Variants in MAGEC3 observed in about 807,000 individuals in gnomAD.
MAGEC3 encodes melanoma-associated antigen C3.
Under a neutral mutation model 35.3 loss-of-function variants are expected in MAGEC3, and 34 were observed. That is an observed-to-expected ratio of 0.96 (90% CI 0.73 to 1.28). The LOEUF (loss-of-function observed/expected upper bound fraction) is 1.28. MAGEC3 is among the 50% of genes most tolerant of loss of function. The probability of loss-of-function intolerance (pLI) is 0.00; values close to 1 mark genes in which losing one functional copy is unlikely to be tolerated. For missense variants in MAGEC3, 561 were observed against 483.6 expected, an observed-to-expected ratio of 1.16 and a Z score of -1.50; for synonymous variants, 202 against 185.6, an observed-to-expected ratio of 1.09 and a Z score of -0.72.
chrX:141,874,020 A>G (rs1222743243), intron 2 of MAGEC3, among the ~76,000 whole-genome samples: 2 of 112,328 alleles, frequency 1.8e-5, no homozygotes, highest in Non-Finnish European at 3.8e-5. Flanking sequence ...TAATAGACAA[A>G]AAAGTCAAAG....
Position 141,897,347 on chromosome X carries a change from A to T in MAGEC3, c.1589A>T (p.Asp530Val). Residue 530 changes from aspartate (D) to valine (V), a missense_variant, in exon 7 of 8, where the codon GAC (aspartate) becomes GTC (valine). Transcript: ENST00000298296. ...TCCTATTTCTTTGAAGACACATTAG[A>T]CCTCACCTATGAGGGAAGCCTGATT... ...NHSYFFEDTL[D>V]LTYEGSLIDD... is the part of the protein sequence containing the mutation. 8.3e-7 allele frequency: 1 copy of T among 1,211,470 alleles called. No homozygotes were observed. Among genetic ancestry groups the T allele is most frequent in the Non-Finnish European group, 1.1e-6 (1 of 895,396 alleles).
intron 4 of MAGEC3, among the ~76,000 whole-genome samples, chrX:141,892,576 T>TAATAATAATGATTATTATTATTA (rs1403563013): frequency 9.0e-6 from 1 of 111,299 alleles, no homozygotes; most frequent in East Asian, 2.9e-4. Context: ...TATTATTATT[T>TAATAATAATGATTATTATTATTA]AATAATAATG....
chrX:141,854,549 G>A (rs1192180371), intron 1 of MAGEC3, among the ~76,000 whole-genome samples: 2 of 111,135 alleles, frequency 1.8e-5, no homozygotes, highest in Non-Finnish European at 3.8e-5. Context: ...GAGATCTGAT[G>A]GTTTGATCAG....
At chrX:141,846,687 C>G (rs1186598201) in intron 1 of MAGEC3, among the ~76,000 whole-genome samples, 1 of 111,128 alleles carries the variant, frequency 9.0e-6, no homozygotes, top group African/African-American at 3.3e-5. Context: ...TCAACAATAT[C>G]TCAACAACAC....
intron 2 of MAGEC3, among the ~76,000 whole-genome samples, chrX:141,877,018 G>T (rs1247335781): frequency 5.4e-5 from 6 of 111,813 alleles, no homozygotes; most frequent in Non-Finnish European, 1.1e-4. Flanking sequence ...TTGTCCATTT[G>T]CATGTCTTTA....
chrX:141,863,433 T>C (rs1419545337), intron 1 of MAGEC3, among the ~76,000 whole-genome samples: 1 of 111,479 alleles, frequency 9.0e-6, no homozygotes, highest in East Asian at 2.8e-4. Flanking sequence ...ATCTACAGAA[T>C]GTAAAACAAA....
chrX:141,880,866 T>G (rs752296298), intron 3 of MAGEC3: 1 of 1,121,262 alleles, frequency 8.9e-7, no homozygotes, highest in South Asian at 1.9e-5. Flanking sequence ...CCACCATGGG[T>G]GAGTTTCTCA....
At chrX:141,873,969 T>C (rs761240853) in intron 2 of MAGEC3, among the ~76,000 whole-genome samples, 1 of 112,169 alleles carries the variant, frequency 8.9e-6, no homozygotes, top group African/African-American at 3.2e-5. Flanking sequence ...CAGGTCTTAC[T>C]ATAAAGTTAC....
intron 4 of MAGEC3, among the ~76,000 whole-genome samples, chrX:141,893,910 C>G (rs1255811994): frequency 3.6e-5 from 4 of 111,081 alleles, no homozygotes; most frequent in African/African-American, 1.3e-4. Context: ...AAGATGCAAA[C>G]AAAAAACAAA....
chrX:141,897,487 GTGTGTGC>G lies in MAGEC3; in HGVS notation c.1728+4_1728+10del, dbSNP rs1387887691. On this transcript the variant is annotated splice_donor_variant and splice_donor_5th_base_variant and intron_variant, in intron 7 of 7. Coordinates refer to ENST00000298296, the MANE Select transcript of MAGEC3 (RefSeq NM_138702.1). LOFTEE classifies it high-confidence loss of function. Reference sequence around the variant, plus strand: ...CTGGGAAGTGTTGAGTGCAATAGGGGTGTGTGCTGGGAGGGAGCACTTTATATATGGG... The same window carrying G: ...CTGGGAAGTGTTGAGTGCAATAGGGGTGGGAGGGAGCACTTTATATATGGG... The G allele has an allele frequency of 2.5e-6, 3 of 1,204,313 alleles. No homozygotes were observed. Among genetic ancestry groups the G allele is most frequent in the Non-Finnish European group, 2.2e-6 (2 of 892,030 alleles).
chrX:141,895,240 GCCCCA>G (rs2018078379), intron 4 of MAGEC3, 24 bp from the exon 5 acceptor site: 44 of 1,192,507 alleles, frequency 3.7e-5, no homozygotes, highest in Non-Finnish European at 5.0e-5. Context: ...TGGAGAGGAG[GCCCCA>G]CCCCACGCTG....
chrX:141,867,939 G>T (rs746132391), intron 2 of MAGEC3, among the ~76,000 whole-genome samples: 1 of 111,490 alleles, frequency 9.0e-6, no homozygotes, highest in Non-Finnish European at 1.9e-5. Flanking sequence ...TGGCTAACAC[G>T]GTGAAACCAA....
intron 1 of MAGEC3, among the ~76,000 whole-genome samples, chrX:141,862,144 C>T (rs940313027): frequency 9.0e-6 from 1 of 110,664 alleles, no homozygotes; most frequent in Non-Finnish European, 1.9e-5. Flanking sequence ...CACATTTATC[C>T]AAAAAAGACA....
intron 4 of MAGEC3, among the ~76,000 whole-genome samples, chrX:141,888,616 C>T (rs981883656): frequency 1.8e-5 from 2 of 111,994 alleles, no homozygotes; most frequent in African/African-American, 6.5e-5. Context: ...TAGTATGAGC[C>T]GTTCTGTGGA....
intron 2 of MAGEC3, among the ~76,000 whole-genome samples, chrX:141,872,039 T>A (rs770908435): frequency 9.1e-6 from 1 of 109,820 alleles, no homozygotes; most frequent in Admixed American, 9.7e-5. Context: ...CTGGGGAGGA[T>A]TTTTATTAAG....
At chrX:141,896,380 G>A in intron 6 of MAGEC3, 1 of 1,018,472 alleles carries the variant, frequency 9.8e-7, no homozygotes. Context: ...TGGTGCCTCA[G>A]GCTCTGCCTG....
chrX:141,881,679 G>T lies in MAGEC3; in HGVS notation c.792G>T (p.Leu264=). 1 of 1,211,640 alleles carries T rather than the reference G, an allele frequency of 8.3e-7. No individual in the cohort carries two copies. The highest frequency in any genetic ancestry group is 1.1e-6 in the Non-Finnish European group (1 of 895,490). The change falls in exon 4 of 8, where the codon CTG becomes CTT. Residue 264 remains leucine (L), a synonymous_variant. Coordinates refer to ENST00000298296, the MANE Select transcript of MAGEC3 (RefSeq NM_138702.1). ...TAGACCTCACCTGTGAGGGGAGTCT[G>T]AGTGATGAGCAGGGCATGCCCCAGA... ...NTLDLTCEGS[L]SDEQGMPQNR...
At chrX:141,858,664 A>T (rs377487000) in intron 1 of MAGEC3, among the ~76,000 whole-genome samples, 117 of 110,598 alleles carry the variant, frequency 1.1e-3, no homozygotes, top group South Asian at 1.9e-3. Flanking sequence ...ATATGTGTGT[A>T]TGTATTTGTG....
In MAGEC3 at chrX:141,879,418, G is replaced by A; in HGVS notation, c.502G>A (p.Glu168Lys). Residue 168 changes from glutamate to lysine, a missense_variant, in exon 3 of 8, where the codon GAG becomes AAG. Transcript: ENST00000298296. ...AVSPGKRLWG[E>K]KAGSLPESEP... ...CAGCCCTGGAAAAAGGTTGTGGGGG[G>A]AGAAAGCGGGGAGGTGGGCAGGGAA... The A allele has an allele frequency of 8.5e-7, 1 of 1,179,867 alleles. No homozygotes were observed. Among genetic ancestry groups the A allele is most frequent in the Non-Finnish European group, 1.1e-6 (1 of 878,491 alleles).
Sources: allele counts gnomAD v4.1 joint callset (sites outside exome capture counted in the v4.1 genomes callset), GRCh38; gene constraint gnomAD v4.1.1; transcripts MANE v1.5; gene names NCBI Gene and HGNC (gene_info 2026-07-23, HGNC 2026-07-21).